EML3: variants seen among roughly 807,000 people sequenced by gnomAD.
EML3 encodes echinoderm microtubule-associated protein-like 3.
EML3 carries 53 observed loss-of-function variants against 106.7 expected under a neutral mutation model. The ratio of observed to expected loss-of-function variants is 0.50; its 90% CI spans 0.40 to 0.62. The LOEUF is 0.62. Among genes scored for constraint, EML3 ranks in the 20% least tolerant of loss-of-function variants. The probability of loss-of-function intolerance (pLI) is 0.00; values close to 1 mark genes in which losing one functional copy is unlikely to be tolerated. For synonymous variants in EML3, 499 were observed against 489.6 expected (o/e 1.02, Z -0.25); for missense variants, 994 against 1,209.1 (o/e 0.82, Z 2.64).
Position 62,603,822 on chromosome 11 carries a change from A to C in EML3, c.2170-6T>G, listed in dbSNP as rs946044367. On this transcript the variant is annotated splice_region_variant and splice_polypyrimidine_tract_variant and intron_variant, in intron 18 of 21. Coordinates refer to ENST00000394773, the MANE Select transcript of EML3 (RefSeq NM_153265.3). ...GTGATGAAGCTGGAGTGACCCTGGG[A>C]GCAAAGGTCAAGAGTTTTAAAGTAT... The C allele has an allele frequency of 6.2e-7, 1 of 1,613,918 alleles. No homozygotes were observed. The highest frequency in any genetic ancestry group is 1.7e-5 in the Admixed American group (1 of 59,990).
rs1454784793 is a variant in EML3 at position 62,611,203 on chromosome 11, G to A, written c.336C>T (p.Ala112=). 1 of 1,610,420 alleles carries A rather than the reference G, an allele frequency of 6.2e-7. No homozygotes were observed. The highest frequency in any genetic ancestry group is 8.5e-7 in the Non-Finnish European group (1 of 1,179,464). The stretch of plus-strand genomic sequence containing the variant: ...ATTGGGTCCCGCTAGGCTCTTCGCT[G>A]GCCCCCTGAGGGGCTGGGGGTCCAT... ...LSNGPPAPQG[A]SEEPSGTQSE... Residue 112 remains alanine, a synonymous_variant, in exon 3 of 22, where the codon GCC becomes GCT. Coordinates refer to ENST00000394773, the MANE Select transcript of EML3 (RefSeq NM_153265.3).
At chr11:62,602,718 C>G in intron 21 of EML3, 40 bp from the exon 22 acceptor site, 2 of 1,602,802 alleles carry the variant, frequency 1.2e-6, no homozygotes, top group South Asian at 1.1e-5. Flanking sequence ...GCTGAGCCCT[C>G]GGGCCCACCG....
intron 12 of EML3, 127 bp from the exon 13 acceptor site, chr11:62,606,341 C>T (rs1307268732): frequency 9.4e-7 from 1 of 1,058,874 alleles, no homozygotes; most frequent in East Asian, 2.6e-5. Context: ...ATGTCTCATC[C>T]TCATACTGCC....
At chr11:62,603,282 C>T (rs1200435887) in intron 19 of EML3, 35 bp from the exon 20 acceptor site, 2 of 1,595,194 alleles carry the variant, frequency 1.3e-6, no homozygotes, top group South Asian at 1.1e-5. Context: ...TCAGCTCTCA[C>T]CCTGCCCTCA....
intron 16 of EML3, 21 bp from the exon 17 acceptor site, chr11:62,604,222 G>GCCC: frequency 1.2e-6 from 2 of 1,612,776 alleles, no homozygotes; most frequent in Non-Finnish European, 1.7e-6. Flanking sequence ...GGGAAGTGGA[G>GCCC]GCAGATAGGA....
intron 12 of EML3, 84 bp downstream of exon 12, chr11:62,606,874 A>AAAAT: frequency 7.2e-7 from 1 of 1,395,240 alleles, no homozygotes; most frequent in Non-Finnish European, 9.6e-7. Flanking sequence ...AAAAAAAAAA[A>AAAAT]GATGGGAATG....
At chr11:62,606,484 C>A (rs1942525911) in intron 12 of EML3, 3 of 537,154 alleles carry the variant, frequency 5.6e-6, no homozygotes, top group Admixed American at 3.2e-5. Flanking sequence ...CACAAAGCTC[C>A]AGCCGTTTCT....
At position 62,612,442 on chromosome 11, in the gene EML3, C is replaced by T. The variant is rs992683260; in HGVS notation, c.16G>A (p.Gly6Arg). Residue 6 changes from glycine (G) to arginine (R), a missense_variant, in exon 1 of 22, where the codon GGG becomes AGG. Around this residue, in one of 3 missense-constraint regions of EML3, gnomAD observed 12 missense variants for 23.5 expected, o/e 0.51. Coordinates refer to ENST00000394773, the MANE Select transcript of EML3 (RefSeq NM_153265.3). MDGAA[G>R]PGDGPAREAL... is the part of the protein sequence containing the mutation. ...CGCCCCGCCCCGTACTCACCGGGCC[C>T]CGCGGCCCCGTCCATCCGGCCCCCG... The T allele has an allele frequency of 4.8e-6, 7 of 1,469,074 alleles. No homozygotes were observed. The African/African-American group carries it at 1.0e-4, about 22-fold the overall frequency. 91.0% of individuals were successfully genotyped at this position (1,469,074 alleles called of 1,614,324 possible).
In EML3 at chr11:62,612,477, G is replaced by A. The variant is rs1942883108; in HGVS notation, c.-20C>T. ...GTCCATCCGGCCCCCGGGTTGCTCCGAGCGGCGGCGGCGGAGGAGGCGTCT... is the reference window on the plus strand; with the variant it reads ...GTCCATCCGGCCCCCGGGTTGCTCCAAGCGGCGGCGGCGGAGGAGGCGTCT... On this transcript the variant is annotated 5_prime_UTR_variant, in exon 1 of 22. Coordinates refer to ENST00000394773, the MANE Select transcript of EML3 (RefSeq NM_153265.3). 7.1e-7 allele frequency: 1 copy of A among 1,417,926 alleles called. No individual in the cohort carries two copies. The allele number at this position is 1,417,926 out of a possible 1,614,324, so 87.8% of individuals were successfully genotyped here.
In EML3 at chr11:62,605,892, C is replaced by G. The variant is rs771792141; in HGVS notation, c.1745G>C (p.Arg582Thr). Residue 582 changes from arginine to threonine, a missense_variant, in exon 14 of 22, where the codon AGG becomes ACG. This residue lies in a region of EML3 where 713 missense variants were observed against 920.5 expected (regional missense o/e 0.77). Coordinates refer to ENST00000394773, the MANE Select transcript of EML3 (RefSeq NM_153265.3). This position sits in a 1 kb window ranked among gnomAD's most constrained non-coding sequence, Gnocchi z 5.2. ...LVGTTKNALL[R>T]GDLAQGFSPV... Reference sequence around the variant, plus strand: ...GGAGAAGCCCTGGGCCAGGTCTCCCCTCAGCAATGCATTCTTCGTGGTTCC... The same window carrying G: ...GGAGAAGCCCTGGGCCAGGTCTCCCGTCAGCAATGCATTCTTCGTGGTTCC... 6.2e-7 allele frequency: 1 copy of G among 1,614,236 alleles called. No homozygotes were observed. Among genetic ancestry groups the G allele is most frequent in the Admixed American group, 1.7e-5 (1 of 60,034 alleles).
At chr11:62,611,678 A>G in intron 1 of EML3, 82 bp from the exon 2 acceptor site, 2 of 1,461,562 alleles carry the variant, frequency 1.4e-6, no homozygotes, top group Non-Finnish European at 1.8e-6. Flanking sequence ...CCACAACTTT[A>G]CATGTGTCCG....
Position 62,605,502 on chromosome 11 carries a change from A to G in EML3, c.1914+140T>C, listed in dbSNP as rs895720603. On this transcript the variant is annotated intron_variant, in intron 15 of 21. Transcript: ENST00000394773. This position sits in a 1 kb window ranked among gnomAD's most constrained non-coding sequence, Gnocchi z 5.2. The stretch of plus-strand genomic sequence containing the variant: ...TTTACCAGTCAGTACAGAAAAATTA[A>G]TATTTGAGTAGCCAGTGCAGCCATA... 8.2e-7 allele frequency: 1 copy of G among 1,217,160 alleles called. No individual in the cohort carries two copies. 75.4% of individuals were successfully genotyped at this position (1,217,160 alleles called of 1,614,324 possible). A position where few individuals can be genotyped will look rare whatever the true frequency, so the allele number is the denominator to read the frequency against.
In EML3 at chr11:62,611,363, A is replaced by G. The variant is rs1942813537; in HGVS notation, c.195-19T>C. On this transcript the variant is annotated intron_variant, in intron 2 of 21. Transcript: ENST00000394773. Reference sequence around the variant, plus strand: ...TGCAAGACTGCTGGAGAGATGTTGAATTAACCTGAAGCCCCAGAGGCCCCA... The same window carrying G: ...TGCAAGACTGCTGGAGAGATGTTGAGTTAACCTGAAGCCCCAGAGGCCCCA... 26 of 1,613,268 alleles carry G rather than the reference A, an allele frequency of 1.6e-5. No individual in the cohort carries two copies. The highest frequency in any genetic ancestry group is 2.2e-5 in the Non-Finnish European group (26 of 1,179,866).
Position 62,604,275 on chromosome 11 carries a change from C to T in EML3, c.1983-74G>A, listed in dbSNP as rs1471127937. 4 of 1,358,000 alleles carry T rather than the reference C, an allele frequency of 2.9e-6. No homozygotes were observed. In the East Asian group the frequency reaches 9.5e-5, roughly 32 times the overall value. 84.1% of individuals were successfully genotyped at this position (1,358,000 alleles called of 1,614,324 possible). ...GTAAGGAGACCCCCAGGGAGGCCAC[C>T]CTGGGTAGGCTTGGGGATGGCAAAT... is the stretch of plus-strand genomic sequence containing the variant. On this transcript the variant is annotated intron_variant, in intron 16 of 21. Transcript: ENST00000394773.
In EML3 at chr11:62,603,342, C is replaced by T. The variant is rs1590740658; in HGVS notation, c.2258-95G>A. 46 of 1,192,488 alleles carry T rather than the reference C, an allele frequency of 3.9e-5. No individual in the cohort carries two copies. The South Asian group carries it at 4.8e-4, about 13-fold the overall frequency. 73.9% of individuals were successfully genotyped at this position (1,192,488 alleles called of 1,614,324 possible). ...AGACTGGAAAGACTGGCATGAAACC[C>T]GGCGATGGCATGTGATCTGGTCACC... On this transcript the variant is annotated intron_variant, in intron 19 of 21. Transcript: ENST00000394773.
In EML3 at chr11:62,602,514, T is replaced by C; in HGVS notation, c.2652A>G (p.Arg884=). 2.0e-6 allele frequency: 3 copies of C among 1,514,590 alleles called. No homozygotes were observed. The highest frequency in any genetic ancestry group is 2.7e-6 in the Non-Finnish European group (3 of 1,129,932). 93.8% of individuals were successfully genotyped at this position (1,514,590 alleles called of 1,614,324 possible). Residue 884 remains arginine, a synonymous_variant, in exon 22 of 22, where the codon CGA becomes CGG. Coordinates refer to ENST00000394773, the MANE Select transcript of EML3 (RefSeq NM_153265.3). Reference sequence around the variant, plus strand: ...AGGAGGCGGGGGACAGGGAGGGGGTTCGAGAGGGCGTGGCGGGCGCCGGCC... The same window carrying C: ...AGGAGGCGGGGGACAGGGAGGGGGTCCGAGAGGGCGTGGCGGGCGCCGGCC... ...GAGPAPATPS[R]TPSLSPASSL...
chr11:62,610,894 G>T lies in EML3; in HGVS notation c.551C>A (p.Ser184Tyr). The T allele has an allele frequency of 1.2e-6, 2 of 1,611,540 alleles. No homozygotes were observed. The highest frequency in any genetic ancestry group is 1.7e-6 in the Non-Finnish European group (2 of 1,179,450). The change falls in exon 4 of 22, where the codon TCC (serine) becomes TAC (tyrosine). Residue 184 changes from serine to tyrosine, a missense_variant. By Grantham distance (144) the Ser-to-Tyr change is moderately radical. Around this residue, in one of 3 missense-constraint regions of EML3, gnomAD observed 269 missense variants for 265.1 expected, o/e 1.01. Coordinates refer to ENST00000394773, the MANE Select transcript of EML3 (RefSeq NM_153265.3). ...AISSANLLVR[S>Y]GSTESRGGKD... Reference sequence around the variant, plus strand: ...CCTCACCCACCTCTCTGTGCTCCCGGACCGCACTAACAGGTTGGCGGAGGA... The same window carrying T: ...CCTCACCCACCTCTCTGTGCTCCCGTACCGCACTAACAGGTTGGCGGAGGA...
At position 62,611,146 on chromosome 11, in the gene EML3, A is replaced by G; in HGVS notation, c.393T>C (p.Ala131=). 1 of 1,600,758 alleles carries G rather than the reference A, an allele frequency of 6.2e-7. No individual in the cohort carries two copies. The highest frequency in any genetic ancestry group is 2.2e-5 in the East Asian group (1 of 44,776). The stretch of plus-strand genomic sequence containing the variant: ...GGATCCCCGGGGGGCCAGGGGAGCC[A>G]GCACCACTGCTGCTGCTGCCCCCTC... The part of the protein sequence containing the change: ...SEGGGSSSSG[A]GSPGPPGILR... Residue 131 remains alanine (A), a synonymous_variant, in exon 3 of 22, where the codon GCT becomes GCC. Transcript: ENST00000394773.
Position 62,605,963 on chromosome 11 carries a change from C to T in EML3, c.1674G>A (p.Gly558=). 6.2e-7 allele frequency: 1 copy of T among 1,614,188 alleles called. No individual in the cohort carries two copies. The highest frequency in any genetic ancestry group is 1.1e-5 in the South Asian group (1 of 91,090). ...LQEAEIPEHF[G]AVRAIAEGLG... is the part of the protein sequence containing the mutation. ...GCCCTTCAGCAATGGCTCGCACGGC[C>T]CCGAAGTGCTCGGGAATCTGCAGAG... Residue 558 remains glycine (G), a synonymous_variant, in exon 14 of 22, where the codon GGG becomes GGA. Transcript: ENST00000394773. This position sits in a 1 kb window ranked among gnomAD's most constrained non-coding sequence, Gnocchi z 5.2.
Sources: gnomAD v4.1 joint callset for allele counts on GRCh38, gnomAD v4.1.1 for gene constraint, gnomAD v4.1.1 regional missense constraint, Gnocchi (gnomAD v3.1) non-coding constraint, MANE v1.5 for transcripts, NCBI Gene and HGNC (gene_info 2026-07-23, HGNC 2026-07-21) for gene names.